Variants in PKIG observed in about 807,000 individuals in gnomAD.
PKIG encodes the protein cAMP-dependent protein kinase inhibitor gamma, also known as protein kinase (cAMP-dependent, catalytic) inhibitor gamma.
In PKIG, 1 loss-of-function variant was observed where a neutral mutation model predicts 6.8. The observed-to-expected ratio is 0.15, with a 90% CI of 0.05 to 0.69. PKIG has a LOEUF of 0.69. PKIG is among the 30% of genes least tolerant of loss of function. The pLI, the probability that PKIG is intolerant of heterozygous loss-of-function variation, is 0.82. For missense variants in PKIG, 77 were observed against 104.0 expected, an observed-to-expected ratio of 0.74 and a Z score of 1.13; for synonymous variants, 39 against 43.0, an observed-to-expected ratio of 0.91 and a Z score of 0.36.
intron 3 of PKIG, among the ~76,000 whole-genome samples, chr20:44,618,055 C>T (rs1413976134): frequency 1.3e-5 from 2 of 152,142 alleles, no homozygotes; most frequent in Non-Finnish European, 2.9e-5. Flanking sequence ...CATAATGGCC[C>T]TTAATTGACT....
intron 1 of PKIG, among the ~76,000 whole-genome samples, 158 bp downstream of exon 1, chr20:44,582,889 C>T (rs1223691736): frequency 6.6e-6 from 1 of 152,122 alleles, no homozygotes; most frequent in African/African-American, 2.4e-5. Context: ...AAATTATGGC[C>T]TTGTCTGAAA....
chr20:44,558,330 C>A (rs2064732858), intron 1 of PKIG, among the ~76,000 whole-genome samples: 1 of 152,098 alleles, frequency 6.6e-6, no homozygotes, highest in Non-Finnish European at 1.5e-5. Flanking sequence ...TTATTCTCTC[C>A]ATTTTGTGGG....
At chr20:44,596,101 C>T (rs1274760734) in intron 2 of PKIG, among the ~76,000 whole-genome samples, 1 of 152,166 alleles carries the variant, frequency 6.6e-6, no homozygotes, top group Non-Finnish European at 1.5e-5. Context: ...TGCTATATTT[C>T]AAAGATACAG....
chr20:44,540,511 GTT>G (rs1220267125), intron 1 of PKIG, among the ~76,000 whole-genome samples: 2 of 151,968 alleles, frequency 1.3e-5, no homozygotes, highest in African/African-American at 4.8e-5. Context: ...GGATACATGA[GTT>G]ATGTGAAAAA....
chr20:44,558,159 C>T (rs1769807120), intron 1 of PKIG, among the ~76,000 whole-genome samples: 1 of 152,116 alleles, frequency 6.6e-6, no homozygotes, highest in Non-Finnish European at 1.5e-5. Flanking sequence ...TACTTGAGTC[C>T]TATTCTAATA....
In PKIG at chr20:44,614,232, G is replaced by A. The variant is rs932377216; in HGVS notation, c.-23-302G>A. On this transcript the variant is annotated intron_variant, in intron 2 of 3. Transcript: ENST00000372886. This position sits in a 1 kb window ranked among gnomAD's most constrained non-coding sequence, Gnocchi z 4.6. ...CAGGGACCATGGCCAGTTTGTTCAT[G>A]GTGGTATCTGTGCCAGTGCCTGGCG... 3.9e-6 allele frequency: 1 copy of A among 257,496 alleles called. No individual in the cohort carries two copies. The highest frequency in any genetic ancestry group is 2.3e-5 in the African/African-American group (1 of 43,876). The allele number at this position is 257,496 out of a possible 1,614,324, so 16.0% of individuals were successfully genotyped here. A position where few individuals can be genotyped will look rare whatever the true frequency, so the allele number is the denominator to read the frequency against.
At chr20:44,592,745 T>TA (rs2065043484) in intron 2 of PKIG, among the ~76,000 whole-genome samples, 1 of 151,848 alleles carries the variant, frequency 6.6e-6, no homozygotes, top group Non-Finnish European at 1.5e-5. Flanking sequence ...GTGGAGAGAG[T>TA]AAAAAGTGAG....
chr20:44,572,098 G>A (rs1466619626), intron 1 of PKIG, among the ~76,000 whole-genome samples: 1 of 152,210 alleles, frequency 6.6e-6, no homozygotes, highest in African/African-American at 2.4e-5. Context: ...CTGCCTCCCG[G>A]GTTCAAGCAA....
At chr20:44,602,915 G>A (rs190250921) in intron 2 of PKIG, among the ~76,000 whole-genome samples, 141 of 152,166 alleles carry the variant, frequency 9.3e-4, no homozygotes, top group Non-Finnish European at 1.6e-3. Context: ...GGGAAAGGAA[G>A]CTGAGAGAGA....
At chr20:44,580,027 A>C (rs1297672222), upstream of PKIG, among the ~76,000 whole-genome samples, 1 of 152,150 alleles carries the variant, frequency 6.6e-6, no homozygotes, top group Non-Finnish European at 1.5e-5. Context: ...CATTCTGGAG[A>C]AATACAGGAC....
chr20:44,575,586 TGGGTACTGGAA>T lies in PKIG; in HGVS notation c.-240-6991_-240-6981del, dbSNP rs1160546685. ...GCCTCTGCCCTGCCTGGGAAGCTGC[TGGGTACTGGAA>T]GGGTACTAAGGTACTAAGTGGAAGA... On this transcript the variant is annotated intron_variant, in intron 1 of 4. Transcript: ENST00000372887. Among the ~76,000 whole-genome samples, 10 of 152,338 alleles carry T rather than the reference TGGGTACTGGAA, an allele frequency of 6.6e-5. No homozygotes were observed. The East Asian group carries it at 1.9e-3, about 29-fold the overall frequency.
At chr20:44,575,673 G>A (rs1460166036) in intron 1 of PKIG, among the ~76,000 whole-genome samples, 2 of 152,168 alleles carry the variant, frequency 1.3e-5, no homozygotes, top group Non-Finnish European at 2.9e-5. Context: ...GGCCCTTCAC[G>A]TGTTAGCATA....
intron 1 of PKIG, among the ~76,000 whole-genome samples, chr20:44,560,072 AAAAAG>A (rs1195583337): frequency 6.6e-6 from 1 of 151,826 alleles, no homozygotes; most frequent in African/African-American, 2.4e-5. Context: ...ATACAAAAAA[AAAAAG>A]AAAGAAGGAA....
chr20:44,550,203 A>G (rs762925686), intron 1 of PKIG, among the ~76,000 whole-genome samples: 2 of 151,082 alleles, frequency 1.3e-5, no homozygotes, highest in African/African-American at 2.4e-5. Flanking sequence ...TGTTAGATAC[A>G]TAAAAGGGGA....
rs1244008969 is a variant in PKIG at position 44,618,859 on chromosome 20, A to G, written c.*495A>G. 1.3e-5 allele frequency: 2 copies of G among 158,434 alleles called. No homozygotes were observed. Among genetic ancestry groups the G allele is most frequent in the Non-Finnish European group, 2.8e-5 (2 of 71,292 alleles). 9.8% of individuals were successfully genotyped at this position (158,434 alleles called of 1,614,324 possible). ...TGGAGAGAGCTGACAATCAATTCACATTTTTTAAGCCATTTTAGCTAAACT... is the reference window on the plus strand; with the variant it reads ...TGGAGAGAGCTGACAATCAATTCACGTTTTTTAAGCCATTTTAGCTAAACT... On this transcript the variant is annotated 3_prime_UTR_variant, in exon 4 of 4. Coordinates refer to ENST00000372886, the MANE Select transcript of PKIG (RefSeq NM_001281445.2).
intron 1 of PKIG, among the ~76,000 whole-genome samples, chr20:44,534,048 C>T (rs1418804341): frequency 6.6e-6 from 1 of 152,062 alleles, no homozygotes; most frequent in South Asian, 2.1e-4. Flanking sequence ...GTGAGAAAGA[C>T]AAAGTGTAGG....
At chr20:44,554,173 G>C (rs1468010798) in intron 1 of PKIG, among the ~76,000 whole-genome samples, 2 of 152,002 alleles carry the variant, frequency 1.3e-5, no homozygotes, top group African/African-American at 2.4e-5. Flanking sequence ...TGCCTCGCAG[G>C]CTCAAGCAAT....
intron 1 of PKIG, among the ~76,000 whole-genome samples, chr20:44,586,552 C>T (rs1311933272): frequency 1.3e-5 from 2 of 152,144 alleles, no homozygotes; most frequent in East Asian, 1.9e-4. Flanking sequence ...ACCAGAGGAC[C>T]CTAGCCCAGC....
At chr20:44,584,498 A>AG in intron 1 of PKIG, among the ~76,000 whole-genome samples, 1 of 152,046 alleles carries the variant, frequency 6.6e-6, no homozygotes, top group East Asian at 1.9e-4. Flanking sequence ...CAAAAAAAAA[A>AG]AAAAAAAAGC....
Sources: gnomAD v4.1 joint callset for allele counts (sites outside exome capture counted in the v4.1 genomes callset) on GRCh38, gnomAD v4.1.1 for gene constraint, Gnocchi (gnomAD v3.1) non-coding constraint, MANE v1.5 for transcripts, NCBI Gene and HGNC (gene_info 2026-07-23, HGNC 2026-07-21) for gene names.